Variants in DCDC1 observed in about 807,000 individuals in gnomAD.
DCDC1 encodes the protein doublecortin domain containing 1.
Under a neutral mutation model 178.3 loss-of-function variants are expected in DCDC1, and 200 were observed. That is an observed-to-expected ratio of 1.12 (90% confidence interval 1.00 to 1.26). The LOEUF is 1.26. Ranked by LOEUF, DCDC1 falls within the 50% of genes most tolerant of loss-of-function variation. DCDC1 has a pLI of 0.00. For missense variants in DCDC1, 1,983 were observed against 1,749.2 expected (o/e 1.13, Z -2.38); for synonymous variants, 690 against 604.8 (o/e 1.14, Z -2.07).
chr11:31,270,423 C>T lies in DCDC1; in HGVS notation c.961-4823G>A, dbSNP rs140744010. Among the ~76,000 whole-genome samples the T allele has an allele frequency of 2.2e-3, 330 of 152,230 alleles. 2 individuals carry two copies. Among genetic ancestry groups the T allele is most frequent in the African/African-American group, 7.3e-3 (302 of 41,552 alleles). On this transcript the variant is annotated intron_variant, in intron 7 of 38. Coordinates refer to ENST00000684477, the MANE Select transcript of DCDC1 (RefSeq NM_001387274.1). Reference sequence around the variant, plus strand: ...TGCAAAACCAAAATTATTTTGTTTGCCTTTTATGGAAAAAGTTTGCATCAA... The same window carrying T: ...TGCAAAACCAAAATTATTTTGTTTGTCTTTTATGGAAAAAGTTTGCATCAA...
chr11:31,085,554 T>C (rs1472226659), intron 17 of DCDC1, among the ~76,000 whole-genome samples: 2 of 152,208 alleles, frequency 1.3e-5, no homozygotes, highest in Non-Finnish European at 2.9e-5. Flanking sequence ...TTCATCTACA[T>C]TGTTGAATAT....
chr11:30,902,065 T>A (rs1944718244), intron 32 of DCDC1, among the ~76,000 whole-genome samples: 1 of 152,272 alleles, frequency 6.6e-6, no homozygotes, highest in Non-Finnish European at 1.5e-5. Flanking sequence ...CATATATATG[T>A]GTTCAAGTGA....
chr11:30,947,973 T>A (rs1478572978), intron 21 of DCDC1, among the ~76,000 whole-genome samples: 1 of 152,058 alleles, frequency 6.6e-6, no homozygotes, highest in Non-Finnish European at 1.5e-5. Context: ...ACCACTCCTA[T>A]TCAACATAGT....
At chr11:31,325,614 T>C (rs1949604426) in intron 3 of DCDC1, among the ~76,000 whole-genome samples, 1 of 151,976 alleles carries the variant, frequency 6.6e-6, no homozygotes, top group Non-Finnish European at 1.5e-5. Flanking sequence ...CAGTGGATAA[T>C]GTAAATATAA....
At chr11:30,969,802 A>T (rs1287940853) in intron 20 of DCDC1, among the ~76,000 whole-genome samples, 1 of 152,180 alleles carries the variant, frequency 6.6e-6, no homozygotes, top group African/African-American at 2.4e-5. Context: ...CTACATTTTA[A>T]ATTTTTATGT....
chr11:31,096,616 A>G (rs574758722), intron 15 of DCDC1, among the ~76,000 whole-genome samples: 4 of 151,948 alleles, frequency 2.6e-5, no homozygotes, highest in Non-Finnish European at 2.9e-5. Context: ...TCTTCAAGAG[A>G]TATTTTGCTG....
At chr11:31,216,265 A>G (rs139799733) in intron 9 of DCDC1, among the ~76,000 whole-genome samples, 169 of 152,314 alleles carry the variant, frequency 1.1e-3, no homozygotes, top group African/African-American at 3.9e-3. Context: ...GTAGACAGAT[A>G]GAGGATTAGA....
At chr11:31,079,772 G>A (rs1029082405) in intron 17 of DCDC1, among the ~76,000 whole-genome samples, 3 of 152,130 alleles carry the variant, frequency 2.0e-5, no homozygotes, top group African/African-American at 7.2e-5. Flanking sequence ...TTATAAAGGA[G>A]AAATGATTTG....
chr11:31,164,126 T>C (rs1225745429), intron 9 of DCDC1, among the ~76,000 whole-genome samples: 2 of 151,984 alleles, frequency 1.3e-5, no homozygotes, highest in African/African-American at 4.8e-5. Flanking sequence ...AAAGGACAAA[T>C]CATCAAATCC....
At chr11:30,901,834 C>G (rs1213733726) in intron 32 of DCDC1, among the ~76,000 whole-genome samples, 1 of 152,078 alleles carries the variant, frequency 6.6e-6, no homozygotes, top group African/African-American at 2.4e-5. Flanking sequence ...TCACATAATT[C>G]TTTCTTAAAA....
intron 7 of DCDC1, among the ~76,000 whole-genome samples, chr11:31,289,584 A>G (rs751850596): frequency 6.6e-6 from 1 of 152,030 alleles, no homozygotes; most frequent in African/African-American, 2.4e-5. Flanking sequence ...TCAATTCGAA[A>G]TAGTATAGTA....
intron 9 of DCDC1, among the ~76,000 whole-genome samples, chr11:31,209,026 A>C (rs934602532): frequency 6.6e-6 from 1 of 152,160 alleles, no homozygotes; most frequent in East Asian, 1.9e-4. Context: ...ACATTTCTCA[A>C]TTCCTAGAGT....
chr11:31,114,006 A>G (rs1437900615), intron 11 of DCDC1, among the ~76,000 whole-genome samples: 1 of 152,150 alleles, frequency 6.6e-6, no homozygotes, highest in Non-Finnish European at 1.5e-5. Flanking sequence ...TTTTGGTGCC[A>G]GGCACTCTAG....
chr11:31,025,958 A>AG (rs1324839944), intron 20 of DCDC1, among the ~76,000 whole-genome samples: 9 of 151,878 alleles, frequency 5.9e-5, no homozygotes, highest in Non-Finnish European at 1.3e-4. Flanking sequence ...AGAAGCCTTT[A>AG]GAATTGAAGC....
At chr11:30,993,879 A>T (rs914916250) in intron 20 of DCDC1, among the ~76,000 whole-genome samples, 2 of 152,170 alleles carry the variant, frequency 1.3e-5, no homozygotes, top group African/African-American at 4.8e-5. Context: ...CAGTTAATAA[A>T]GAATAATACC....
intron 9 of DCDC1, among the ~76,000 whole-genome samples, chr11:31,233,608 T>C (rs1196254925): frequency 1.3e-5 from 2 of 152,212 alleles, no homozygotes; most frequent in African/African-American, 4.8e-5. Flanking sequence ...TAAGAGACAC[T>C]GAAGGGCCTA....
chr11:30,989,207 A>G (rs1449351416), intron 20 of DCDC1, among the ~76,000 whole-genome samples: 2 of 152,224 alleles, frequency 1.3e-5, no homozygotes, highest in Non-Finnish European at 2.9e-5. Context: ...GTGTTTCACA[A>G]GTAGGAAGTA....
chr11:31,048,191 T>C (rs1954988383), intron 20 of DCDC1, among the ~76,000 whole-genome samples: 1 of 152,214 alleles, frequency 6.6e-6, no homozygotes, highest in Non-Finnish European at 1.5e-5. Context: ...GTCAGGAAGT[T>C]ATGCCATCTC....
At chr11:31,011,410 C>G (rs983316364) in intron 20 of DCDC1, among the ~76,000 whole-genome samples, 1 of 152,110 alleles carries the variant, frequency 6.6e-6, no homozygotes, top group Non-Finnish European at 1.5e-5. Flanking sequence ...ATAAACACTT[C>G]TAGCCAATAA....
Sources: allele counts gnomAD v4.1 joint callset (sites outside exome capture counted in the v4.1 genomes callset), GRCh38; gene constraint gnomAD v4.1.1; transcripts MANE v1.5; gene names NCBI Gene and HGNC (gene_info 2026-07-23, HGNC 2026-07-21).